ESCO2: variants seen among roughly 807,000 people sequenced by gnomAD.
ESCO2 encodes the protein establishment of sister chromatid cohesion N-acetyltransferase 2.
A neutral mutation model predicts 61.7 loss-of-function variants in ESCO2; 51 were observed. The ratio of observed to expected loss-of-function variants is 0.83; its 90% CI spans 0.66 to 1.04. ESCO2 has a LOEUF of 1.04. ESCO2 is among the 50% of genes least tolerant of loss of function. The pLI, the probability that ESCO2 is intolerant of heterozygous loss-of-function variation, is 0.00. For synonymous variants in ESCO2, 230 were observed against 238.2 expected (o/e 0.97, Z 0.32); for missense variants, 692 against 686.2 (o/e 1.01, Z -0.09).
chr8:27,777,085 A>G lies in ESCO2; in HGVS notation c.777A>G (p.Gln259=), dbSNP rs375210525. Residue 259 remains glutamine, a synonymous_variant, in exon 3 of 11, where the codon CAA becomes CAG. Transcript: ENST00000305188. ...AAAAAAAAACTTTTGCGACAAGGCA[A>G]GTGCCAAAGTGCTTGGTCCTAGAAG... ...VSEKKTFATR[Q]VPKCLVLEEK... The G allele has an allele frequency of 6.9e-6, 11 of 1,602,274 alleles. No homozygotes were observed. The Admixed American group carries it at 1.1e-4, about 15-fold the overall frequency.
downstream of ESCO2, chr8:27,809,694 G>A (rs1251294224): frequency 6.6e-6 from 1 of 152,092 alleles, no homozygotes; most frequent in Non-Finnish European, 1.5e-5. Flanking sequence ...GCTGGGAAAT[G>A]CTTAAGGTAC....
intron 9 of ESCO2, among the ~76,000 whole-genome samples, chr8:27,793,806 A>G (rs1425826424): frequency 2.6e-5 from 4 of 152,080 alleles, no homozygotes; most frequent in Non-Finnish European, 4.4e-5. Context: ...TCAAGTATAC[A>G]TTAGCTGCAG....
At chr8:27,786,612 G>C (rs987440249) in intron 5 of ESCO2, among the ~76,000 whole-genome samples, 4 of 152,158 alleles carry the variant, frequency 2.6e-5, no homozygotes, top group Admixed American at 6.5e-5. Context: ...GTGGAATAGT[G>C]TATCTCTCAC....
chr8:27,803,556 ACACACACACACG>A lies in ESCO2; in HGVS notation c.*129_*140del, dbSNP rs1201880504. On this transcript the variant is annotated 3_prime_UTR_variant, in exon 11 of 11. Transcript: ENST00000305188. Reference sequence around the variant, plus strand: ...TACCGAGACTCACACTCATACACACACACACACACACGCACACACACATATCACAGTTTTGTT... The same window carrying A: ...TACCGAGACTCACACTCATACACACACACACACACATATCACAGTTTTGTT... 4 of 1,474,352 alleles carry A rather than the reference ACACACACACACG, an allele frequency of 2.7e-6. No homozygotes were observed. Among genetic ancestry groups the A allele is most frequent in the African/African-American group, 2.9e-5 (2 of 70,144 alleles). 91.3% of individuals were successfully genotyped at this position (1,474,352 alleles called of 1,614,324 possible).
intron 4 of ESCO2, among the ~76,000 whole-genome samples, chr8:27,783,682 C>T (rs1023473594): frequency 1.3e-5 from 2 of 152,136 alleles, no homozygotes; most frequent in Admixed American, 1.3e-4. Flanking sequence ...TTAGGCGATC[C>T]TCCCACTTTT....
chr8:27,782,702 GTTAAATAATATATATATA>G (rs1219398160), intron 4 of ESCO2, among the ~76,000 whole-genome samples: 1 of 149,580 alleles, frequency 6.7e-6, no homozygotes, highest in East Asian at 1.9e-4. Flanking sequence ...TCCATATATA[GTTAAATAATATATATATA>G]TTAAATAATA....
At chr8:27,807,702 G>GT (rs1405436184), downstream of ESCO2, among the ~76,000 whole-genome samples, 2 of 152,100 alleles carry the variant, frequency 1.3e-5, no homozygotes, top group Non-Finnish European at 2.9e-5. Context: ...TCTATTTCCT[G>GT]TAAGTTTTAA....
At position 27,784,146 on chromosome 8, in the gene ESCO2, G is replaced by A. The variant is rs956436521; in HGVS notation, c.1013+89G>A. The stretch of plus-strand genomic sequence containing the variant: ...TTTCAGTCTCATGCTACTTAATTTG[G>A]GGAGTTTTTTTTTCTTCCTCACTAA... On this transcript the variant is annotated intron_variant, in intron 5 of 10. Coordinates refer to ENST00000305188, the MANE Select transcript of ESCO2 (RefSeq NM_001017420.3). The A allele has an allele frequency of 2.1e-5, 28 of 1,353,230 alleles. No individual in the cohort carries two copies. In the African/African-American group the frequency reaches 3.9e-4, roughly 19 times the overall value. 83.8% of individuals were successfully genotyped at this position (1,353,230 alleles called of 1,614,324 possible).
intron 4 of ESCO2, among the ~76,000 whole-genome samples, chr8:27,783,255 C>T (rs1047884599): frequency 6.6e-6 from 1 of 152,136 alleles, no homozygotes; most frequent in Non-Finnish European, 1.5e-5. Context: ...TGGCTTATTT[C>T]ACTTAGTAAT....
chr8:27,791,526 G>A (rs1805174775), intron 7 of ESCO2, among the ~76,000 whole-genome samples: 5 of 152,198 alleles, frequency 3.3e-5, no homozygotes, highest in Admixed American at 3.3e-4. Context: ...TTGTAAGACT[G>A]CACCCATCTG....
chr8:27,788,102 A>G, intron 6 of ESCO2, 100 bp downstream of exon 6: 1 of 808,652 alleles, frequency 1.2e-6, no homozygotes, highest in Non-Finnish European at 2.1e-6. Context: ...TTTCAATGTC[A>G]TTAAGCAATG....
At chr8:27,797,332 T>G (rs903958353) in intron 9 of ESCO2, among the ~76,000 whole-genome samples, 8 of 152,196 alleles carry the variant, frequency 5.3e-5, no homozygotes, top group African/African-American at 1.7e-4. Flanking sequence ...TATAATTACC[T>G]TCTTTGTCTC....
chr8:27,802,636 T>A (rs1256307548), intron 10 of ESCO2, among the ~76,000 whole-genome samples: 2,066 of 48,976 alleles, frequency 0.042, 47 homozygotes, highest in African/African-American at 0.075. Flanking sequence ...AAAAAATATA[T>A]ATATATATAT....
In ESCO2 at chr8:27,776,764, T is replaced by TA. The variant is rs1804802088; in HGVS notation, c.457dup (p.Arg153LysfsTer11). 1.2e-6 allele frequency: 2 copies of TA among 1,613,852 alleles called. No individual in the cohort carries two copies. The highest frequency in any genetic ancestry group is 2.7e-5 in the African/African-American group (2 of 74,932). On this transcript the variant is annotated frameshift_variant, in exon 3 of 11. Coordinates refer to ENST00000305188, the MANE Select transcript of ESCO2 (RefSeq NM_001017420.3). LOFTEE classifies it high-confidence loss of function. ...TAACTGCTAAGTATCAACCAAAGTA[T>TA]AGACACATCAAGCCTGTATCAAGGA...
Position 27,803,467 on chromosome 8 carries a change from A to T in ESCO2, c.*29A>T. The T allele has an allele frequency of 6.2e-7, 1 of 1,610,892 alleles. No homozygotes were observed. ...TGATTTCAGTTATAAAGGAGTTACT[A>T]TCTGGATAAGTTCAAAGAGCTCCTT... On this transcript the variant is annotated 3_prime_UTR_variant, in exon 11 of 11. Transcript: ENST00000305188.
At chr8:27,799,222 C>T (rs902641482) in intron 9 of ESCO2, among the ~76,000 whole-genome samples, 2 of 151,792 alleles carry the variant, frequency 1.3e-5, no homozygotes, top group Non-Finnish European at 2.9e-5. Context: ...TTTAGGTGGT[C>T]ATATATACAT....
At chr8:27,786,873 T>C (rs77658909) in intron 5 of ESCO2, among the ~76,000 whole-genome samples, 1 of 151,014 alleles carries the variant, frequency 6.6e-6, no homozygotes, top group African/African-American at 2.4e-5. Context: ...TTTTTTTTTT[T>C]TCTTTCTTAT....
downstream of ESCO2, among the ~76,000 whole-genome samples, chr8:27,814,753 C>G (rs1187750401): frequency 6.6e-6 from 1 of 152,120 alleles, no homozygotes; most frequent in African/African-American, 2.4e-5. Flanking sequence ...TTTTATTTGA[C>G]CCATAGGTTA....
chr8:27,773,384 A>C (rs1301086272), upstream of ESCO2, among the ~76,000 whole-genome samples: 2 of 149,062 alleles, frequency 1.3e-5, no homozygotes, highest in Non-Finnish European at 3.0e-5. Context: ...GTATCAGCCC[A>C]CTTCCTGCCC....
Sources: gnomAD v4.1 joint callset for allele counts (sites outside exome capture counted in the v4.1 genomes callset) on GRCh38, gnomAD v4.1.1 for gene constraint, MANE v1.5 for transcripts, NCBI Gene and HGNC (gene_info 2026-07-23, HGNC 2026-07-21) for gene names.